The following COTL1 variants were observed in gnomAD, a reference collection of about 807,000 sequenced individuals.
The protein encoded by COTL1 is coactosin-like protein.
COTL1 carries 15 observed loss-of-function variants against 16.5 expected under a neutral mutation model. That is an observed-to-expected ratio of 0.91 (90% confidence interval 0.61 to 1.40). COTL1 has a LOEUF of 1.40. Ranked by LOEUF, COTL1 falls within the 40% of genes most tolerant of loss-of-function variation. The probability of loss-of-function intolerance (pLI) is 0.00; values close to 1 mark genes in which losing one functional copy is unlikely to be tolerated. For missense variants in COTL1, 220 were observed against 201.5 expected, an observed-to-expected ratio of 1.09 and a Z score of -0.56; for synonymous variants, 112 against 85.3, an observed-to-expected ratio of 1.31 and a Z score of -1.73.
Position 84,590,332 on chromosome 16 carries a change from G to C in COTL1, c.161-70C>G, listed in dbSNP as rs373615040. ...CCCCCATGTCATGTCCCTGGGGAGA[G>C]GCTGTGAGCCACGAGTGCGCCTGGA... is the stretch of plus-strand genomic sequence containing the variant. On this transcript the variant is annotated intron_variant, in intron 2 of 3. Transcript: ENST00000262428. This position sits in a 1 kb window ranked among gnomAD's most constrained non-coding sequence, Gnocchi z 5.5. The C allele has an allele frequency of 6.4e-5, 100 of 1,560,398 alleles. No individual in the cohort carries two copies. The South Asian group carries it at 1.1e-3, about 17-fold the overall frequency.
At chr16:84,567,673 G>A (rs1327882872) in intron 3 of COTL1, 1 of 152,318 alleles carries the variant, frequency 6.6e-6, no homozygotes, top group East Asian at 1.9e-4. Flanking sequence ...TGGGGCTACA[G>A]GGCTCAGCAA....
At chr16:84,585,939 C>T (rs1257614255) in intron 3 of COTL1, among the ~76,000 whole-genome samples, 1 of 152,214 alleles carries the variant, frequency 6.6e-6, no homozygotes, top group Non-Finnish European at 1.5e-5. Context: ...CTTCATTCAC[C>T]AGCATCCCTT....
At chr16:84,587,878 TCTC>T (rs1904772328) in intron 3 of COTL1, among the ~76,000 whole-genome samples, 1 of 151,948 alleles carries the variant, frequency 6.6e-6, no homozygotes, top group African/African-American at 2.4e-5. Flanking sequence ...TTCAAGAGAT[TCTC>T]CTGTCTCAGC....
chr16:84,593,676 T>G (rs9646313), intron 2 of COTL1, among the ~76,000 whole-genome samples: 16,585 of 151,910 alleles, frequency 0.11, 1,006 homozygotes, highest in East Asian at 0.16. Flanking sequence ...CACGCCCGGC[T>G]AATTTTTTGT....
chr16:84,612,356 C>T (rs1190119033), intron 2 of COTL1, among the ~76,000 whole-genome samples: 3 of 152,204 alleles, frequency 2.0e-5, no homozygotes, highest in Non-Finnish European at 4.4e-5. Flanking sequence ...GGGTCTAATG[C>T]GTGTCCACAT....
intron 2 of COTL1, among the ~76,000 whole-genome samples, chr16:84,601,668 C>T (rs560811472): frequency 9.8e-5 from 15 of 152,298 alleles, no homozygotes; most frequent in African/African-American, 3.6e-4. Flanking sequence ...GTTGGCCAGG[C>T]TGGTCTCGAA....
intron 2 of COTL1, among the ~76,000 whole-genome samples, chr16:84,613,405 A>C (rs183314682): frequency 1.7e-3 from 255 of 152,336 alleles, no homozygotes; most frequent in African/African-American, 5.8e-3. Context: ...GGGGAAGAGG[A>C]ATACCGCATG....
chr16:84,606,768 C>T (rs1165765889), intron 2 of COTL1, among the ~76,000 whole-genome samples: 2 of 152,308 alleles, frequency 1.3e-5, no homozygotes, highest in Admixed American at 1.3e-4. Flanking sequence ...TGGCTACGTG[C>T]CCCCGCCTCC....
intron 2 of COTL1, among the ~76,000 whole-genome samples, chr16:84,609,471 C>T (rs186111133): frequency 6.6e-6 from 1 of 152,334 alleles, no homozygotes; most frequent in African/African-American, 2.4e-5. Flanking sequence ...AGGCCTCCTT[C>T]AATCCTTTCT....
At chr16:84,589,513 G>A (rs1005113064) in intron 3 of COTL1, among the ~76,000 whole-genome samples, 2 of 152,038 alleles carry the variant, frequency 1.3e-5, no homozygotes, top group African/African-American at 4.8e-5. Context: ...GCGAAATGGA[G>A]ATCCCTTTAG....
intron 3 of COTL1, among the ~76,000 whole-genome samples, chr16:84,582,366 G>A (rs1029315399): frequency 6.6e-6 from 1 of 152,010 alleles, no homozygotes; most frequent in African/African-American, 2.4e-5. Flanking sequence ...CTGGTTTCAG[G>A]CTCCTGAGCT....
intron 2 of COTL1, among the ~76,000 whole-genome samples, chr16:84,616,948 C>G (rs1386614845): frequency 6.6e-6 from 1 of 152,230 alleles, no homozygotes; most frequent in African/African-American, 2.4e-5. Context: ...TTCTGACATT[C>G]ACACCATAGA....
At chr16:84,608,299 C>A (rs2925049) in intron 2 of COTL1, among the ~76,000 whole-genome samples, 52,172 of 151,900 alleles carry the variant, frequency 0.34, 10,684 homozygotes, top group Non-Finnish European at 0.47. Context: ...ACCCAATTCA[C>A]CTAGTGTTTA....
chr16:84,584,054 G>A (rs543656572), intron 3 of COTL1, among the ~76,000 whole-genome samples: 3 of 152,364 alleles, frequency 2.0e-5, no homozygotes, highest in South Asian at 4.1e-4. Flanking sequence ...CACATCGCAG[G>A]TCACTACCAG....
chr16:84,589,918 T>C (rs1382538736), intron 3 of COTL1, among the ~76,000 whole-genome samples, 187 bp downstream of exon 3: 2 of 152,306 alleles, frequency 1.3e-5, no homozygotes, highest in East Asian at 1.9e-4. Flanking sequence ...TAACTCCTCC[T>C]AGCCAGCATC....
At chr16:84,612,117 C>A (rs1051375717) in intron 2 of COTL1, among the ~76,000 whole-genome samples, 8 of 152,154 alleles carry the variant, frequency 5.3e-5, no homozygotes, top group African/African-American at 1.7e-4. Flanking sequence ...AAATGGCAAT[C>A]GCAGTAATTG....
chr16:84,603,562 T>A (rs1287241397), intron 2 of COTL1, among the ~76,000 whole-genome samples: 2 of 150,980 alleles, frequency 1.3e-5, no homozygotes, highest in East Asian at 3.9e-4. Flanking sequence ...GAATCGGGCC[T>A]GGCACACAGG....
chr16:84,597,816 C>A (rs1357787874), intron 2 of COTL1, among the ~76,000 whole-genome samples: 1 of 152,164 alleles, frequency 6.6e-6, no homozygotes, highest in African/African-American at 2.4e-5. Flanking sequence ...CCTGAGCACG[C>A]CCATCAAAGA....
chr16:84,570,411 G>C (rs1904320362), intron 3 of COTL1, among the ~76,000 whole-genome samples: 1 of 151,710 alleles, frequency 6.6e-6, no homozygotes, highest in African/African-American at 2.4e-5. Context: ...AAAACAGACA[G>C]CAGATCTAGT....
Sources: allele counts gnomAD v4.1 joint callset (sites outside exome capture counted in the v4.1 genomes callset), GRCh38; gene constraint gnomAD v4.1.1; non-coding constraint Gnocchi (gnomAD v3.1); transcripts MANE v1.5; gene names NCBI Gene and HGNC (gene_info 2026-07-23, HGNC 2026-07-21).